KALRN: variants seen among roughly 807,000 people sequenced by gnomAD.
The protein encoded by KALRN is kalirin.
A neutral mutation model predicts 353.7 loss-of-function variants in KALRN; 70 were observed. The observed-to-expected ratio is 0.20, with a 90% confidence interval of 0.16 to 0.24. KALRN has a LOEUF of 0.24. Among genes scored for constraint, KALRN ranks in the 10% least tolerant of loss-of-function variants. The pLI, the probability that KALRN is intolerant of heterozygous loss-of-function variation, is 1.00. For synonymous variants in KALRN, 1,391 were observed against 1,434.8 expected (o/e 0.97, Z 0.69); for missense variants, 2,791 against 3,756.7 (o/e 0.74, Z 6.72).
At chr3:124,367,439 G>C (rs1325460069) in intron 10 of KALRN, among the ~76,000 whole-genome samples, 1 of 77,942 alleles carries the variant, frequency 1.3e-5, no homozygotes, top group Non-Finnish European at 2.6e-5. Flanking sequence ...CCTCCCGGAC[G>C]GGGCGGCTGG....
At chr3:124,629,378 C>A (rs1276510562) in intron 34 of KALRN, among the ~76,000 whole-genome samples, 2 of 151,692 alleles carry the variant, frequency 1.3e-5, no homozygotes, top group African/African-American at 4.9e-5. Flanking sequence ...AAAGCAGTAA[C>A]AACAACAACA....
At chr3:124,222,360 G>T (rs1416125135) in intron 1 of KALRN, among the ~76,000 whole-genome samples, 1 of 152,154 alleles carries the variant, frequency 6.6e-6, no homozygotes, top group Non-Finnish European at 1.5e-5. Flanking sequence ...AATAATAGAT[G>T]ATTATAGGGT....
chr3:124,142,304 C>T (rs561814605), intron 1 of KALRN, among the ~76,000 whole-genome samples: 6 of 152,328 alleles, frequency 3.9e-5, no homozygotes, highest in Non-Finnish European at 4.4e-5. Context: ...CTCAGTCCTG[C>T]GTTTCAGGCA....
At chr3:124,035,561 A>G (rs554715124) in intron 1 of KALRN, among the ~76,000 whole-genome samples, 11 of 152,124 alleles carry the variant, frequency 7.2e-5, no homozygotes, top group African/African-American at 2.4e-4. Context: ...CCCCTTTCCT[A>G]TCATCCAAAC....
chr3:124,347,054 G>C, intron 9 of KALRN, 89 bp from the exon 10 acceptor site: 1 of 1,584,174 alleles, frequency 6.3e-7, no homozygotes, highest in Non-Finnish European at 8.6e-7. Context: ...GGGATATAGG[G>C]GTGGTTAGGA....
At chr3:124,336,225 C>T (rs1157335228) in intron 9 of KALRN, among the ~76,000 whole-genome samples, 2 of 152,172 alleles carry the variant, frequency 1.3e-5, no homozygotes, top group Admixed American at 6.5e-5. Flanking sequence ...ATGGGCACTA[C>T]TGATGTGCTG....
chr3:124,490,995 C>A, intron 30 of KALRN, 111 bp downstream of exon 30: 1 of 918,530 alleles, frequency 1.1e-6, no homozygotes, highest in Non-Finnish European at 1.6e-6. Flanking sequence ...CACACCAAAA[C>A]CATCCTGGAC....
intron 14 of KALRN, among the ~76,000 whole-genome samples, chr3:124,416,225 C>T (rs563833703): frequency 2.0e-5 from 3 of 152,176 alleles, no homozygotes; most frequent in Non-Finnish European, 2.9e-5. Context: ...CACTTACTAC[C>T]GGGGTGCTGA....
At chr3:124,694,580 A>C in intron 53 of KALRN, 77 bp downstream of exon 53, 1 of 1,409,148 alleles carries the variant, frequency 7.1e-7, no homozygotes, top group Non-Finnish European at 9.8e-7. Flanking sequence ...CTGGGGTGCA[A>C]CTTCTGCTCT....
rs953517137 is a variant in KALRN at position 124,462,029 on chromosome 3, G to T, written c.3921+73G>T. 2.0e-5 allele frequency: 22 copies of T among 1,104,932 alleles called. No individual in the cohort carries two copies. The Admixed American group carries it at 3.7e-4, about 19-fold the overall frequency. The allele number at this position is 1,104,932 out of a possible 1,614,324, so 68.4% of individuals were successfully genotyped here. ...CCTTGCCAGCATCAAGTCCTCAATT[G>T]GAATTTGGTGCTATTGGTCTTCTCC... On this transcript the variant is annotated intron_variant, in intron 24 of 59. Coordinates refer to ENST00000682506, the MANE Select transcript of KALRN (RefSeq NM_001388419.1).
chr3:124,427,858 T>C (rs2093093105), intron 15 of KALRN, among the ~76,000 whole-genome samples: 1 of 152,244 alleles, frequency 6.6e-6, no homozygotes. Context: ...ATTAGGTAAA[T>C]TGTTGCCTAG....
intron 37 of KALRN, among the ~76,000 whole-genome samples, chr3:124,643,973 A>G (rs1404863321): frequency 6.6e-6 from 1 of 152,206 alleles, no homozygotes; most frequent in Non-Finnish European, 1.5e-5. Context: ...GTGGAAGTCT[A>G]AATTAGTACC....
chr3:124,629,814 GTC>G (rs10535810), intron 34 of KALRN, among the ~76,000 whole-genome samples: 107,650 of 150,646 alleles, frequency 0.71, 38,879 homozygotes, highest in East Asian at 0.89. Context: ...CTCTCTCTCT[GTC>G]TCTCTCTCTC....
intron 49 of KALRN, among the ~76,000 whole-genome samples, chr3:124,676,115 T>G (rs1013570124): frequency 6.6e-6 from 1 of 152,182 alleles, no homozygotes; most frequent in African/African-American, 2.4e-5. Context: ...TCTTAATGAT[T>G]TATCCTCTAA....
intron 1 of KALRN, among the ~76,000 whole-genome samples, chr3:124,218,619 T>A (rs915118301): frequency 1.3e-5 from 2 of 152,178 alleles, no homozygotes; most frequent in African/African-American, 2.4e-5. Flanking sequence ...GGAATCAGTT[T>A]CAAAACAAAC....
At chr3:124,073,941 C>T (rs1160680580) in intron 1 of KALRN, among the ~76,000 whole-genome samples, 2 of 152,054 alleles carry the variant, frequency 1.3e-5, no homozygotes, top group Non-Finnish European at 2.9e-5. Context: ...TTCAAGGTCT[C>T]ATCATGCTAT....
chr3:124,690,873 T>A (rs1176467300), intron 51 of KALRN, among the ~76,000 whole-genome samples: 6 of 152,168 alleles, frequency 3.9e-5, no homozygotes, highest in African/African-American at 1.4e-4. Context: ...ATATTCCTAA[T>A]TTGAGTGTAG....
intron 1 of KALRN, among the ~76,000 whole-genome samples, chr3:124,226,423 C>T (rs2078510983): frequency 6.6e-6 from 1 of 152,152 alleles, no homozygotes; most frequent in Admixed American, 6.5e-5. Context: ...TCCTATTGCT[C>T]AAGGTCTTCT....
At chr3:124,445,146 A>G in intron 19 of KALRN, among the ~76,000 whole-genome samples, 1 of 152,164 alleles carries the variant, frequency 6.6e-6, no homozygotes, top group Admixed American at 6.5e-5. Flanking sequence ...TACCTTCCCT[A>G]CGCTTTCTCA....
Sources: allele counts gnomAD v4.1 joint callset (sites outside exome capture counted in the v4.1 genomes callset), GRCh38; gene constraint gnomAD v4.1.1; transcripts MANE v1.5; gene names NCBI Gene and HGNC (gene_info 2026-07-23, HGNC 2026-07-21).